TRAM2: variants seen among roughly 807,000 people sequenced by gnomAD.
The protein encoded by TRAM2 is translocating chain-associated membrane protein 2.
TRAM2 carries 12 observed loss-of-function variants against 51.0 expected under a neutral mutation model. The ratio of observed to expected loss-of-function variants is 0.24; its 90% confidence interval spans 0.15 to 0.38. The LOEUF is 0.38. Among genes scored for constraint, TRAM2 ranks in the 10% least tolerant of loss-of-function variants. The pLI, the probability that TRAM2 is intolerant of heterozygous loss-of-function variation, is 1.00. For synonymous variants in TRAM2, 175 were observed against 179.4 expected (o/e 0.98, Z 0.20); for missense variants, 361 against 462.0 (o/e 0.78, Z 2.00).
At chr6:52,538,734 AC>A (rs1297112137) in intron 1 of TRAM2, among the ~76,000 whole-genome samples, 1 of 152,322 alleles carries the variant, frequency 6.6e-6, no homozygotes, top group East Asian at 1.9e-4. Context: ...AAGTCTGAGA[AC>A]TTTTGCATTT....
intron 1 of TRAM2, among the ~76,000 whole-genome samples, chr6:52,575,933 C>G (rs1442656570): frequency 6.6e-6 from 1 of 152,204 alleles, no homozygotes; most frequent in Non-Finnish European, 1.5e-5. Context: ...GGAATCCTTC[C>G]CATCAGTCTT....
At chr6:52,530,947 C>T (rs1218470977) in intron 2 of TRAM2, among the ~76,000 whole-genome samples, 1 of 151,950 alleles carries the variant, frequency 6.6e-6, no homozygotes, top group Non-Finnish European at 1.5e-5. Flanking sequence ...TAGCTTTGTT[C>T]CTTAGAACTT....
chr6:52,566,899 A>AC (rs2114108124), intron 1 of TRAM2, among the ~76,000 whole-genome samples: 1 of 152,248 alleles, frequency 6.6e-6, no homozygotes, highest in East Asian at 1.9e-4. Flanking sequence ...AGACCAGAAG[A>AC]CCCATATGGC....
rs115773425 is a variant in TRAM2 at position 52,509,664 on chromosome 6, C to T, written c.412-78G>A. 1.3e-3 allele frequency: 1,752 copies of T among 1,328,746 alleles called. 23 individuals carry two copies. In the African/African-American group the frequency reaches 0.022, roughly 17 times the overall value. 82.3% of individuals were successfully genotyped at this position (1,328,746 alleles called of 1,614,324 possible). ...GGGGCCCTGGGACCGGTCCAGGGGT[C>T]AGGGATGCATCCAGTCCCCACCTGA... On this transcript the variant is annotated intron_variant, in intron 4 of 10. Transcript: ENST00000182527.
chr6:52,535,776 T>C lies in TRAM2; in HGVS notation c.184+7A>G, dbSNP rs1190239269. The stretch of plus-strand genomic sequence containing the variant: ...GCCAGGAGAAGATGGAGACCAGTGA[T>C]TCTTACCTGCTGTAGGCACGCTAAT... On this transcript the variant is annotated splice_region_variant and intron_variant, in intron 2 of 10. Coordinates refer to ENST00000182527, the MANE Select transcript of TRAM2 (RefSeq NM_012288.4). 38 of 1,612,320 alleles carry C rather than the reference T, an allele frequency of 2.4e-5. No individual in the cohort carries two copies. Among genetic ancestry groups the C allele is most frequent in the Non-Finnish European group, 3.1e-5 (37 of 1,178,542 alleles).
intron 1 of TRAM2, among the ~76,000 whole-genome samples, chr6:52,568,310 C>T (rs1237014834): frequency 2.0e-5 from 3 of 152,258 alleles, no homozygotes; most frequent in African/African-American, 7.2e-5. Flanking sequence ...TTCCTTTCTA[C>T]TTCAACATTC....
At chr6:52,573,977 C>T (rs188367289) in intron 1 of TRAM2, among the ~76,000 whole-genome samples, 3 of 152,242 alleles carry the variant, frequency 2.0e-5, no homozygotes, top group Non-Finnish European at 2.9e-5. Context: ...GCTCAGCTTC[C>T]GAATGAAGGA....
rs894920100 is a variant in TRAM2, at chr6:52,507,564, T to C, written c.615A>G (p.Ala205=). 2 of 1,614,054 alleles carry C rather than the reference T, an allele frequency of 1.2e-6. No homozygotes were observed. Among genetic ancestry groups the C allele is most frequent in the African/African-American group, 1.3e-5 (1 of 74,928 alleles). ...ATGGTCTCACTCACTTTAAGAGGTA[T>C]GCTCCAGCTATATGCACCAGGTACA... ...ICLYLVHIAG[A]YLLNLSRLGL... Residue 205 remains alanine, a synonymous_variant, in exon 7 of 11, where the codon GCA becomes GCG. Transcript: ENST00000182527.
intron 1 of TRAM2, among the ~76,000 whole-genome samples, chr6:52,561,028 G>C (rs987824226): frequency 6.6e-6 from 1 of 152,136 alleles, no homozygotes; most frequent in Non-Finnish European, 1.5e-5. Context: ...AATGCACTTC[G>C]CAGTACAATA....
chr6:52,563,467 C>A (rs1767533551), intron 1 of TRAM2, among the ~76,000 whole-genome samples: 1 of 151,400 alleles, frequency 6.6e-6, no homozygotes, highest in South Asian at 2.1e-4. Context: ...CATCTGTAAC[C>A]CCAGGACTTT....
At chr6:52,571,140 A>T (rs1767674041) in intron 1 of TRAM2, among the ~76,000 whole-genome samples, 1 of 152,174 alleles carries the variant, frequency 6.6e-6, no homozygotes, top group African/African-American at 2.4e-5. Flanking sequence ...TAAAAAGGTT[A>T]AGAGATACTA....
At chr6:52,545,322 G>A (rs914517850) in intron 1 of TRAM2, among the ~76,000 whole-genome samples, 5 of 152,204 alleles carry the variant, frequency 3.3e-5, no homozygotes, top group African/African-American at 1.2e-4. Flanking sequence ...GCAAGGTCCA[G>A]GAGGCCAGGT....
At chr6:52,518,266 G>A (rs939336977) in intron 2 of TRAM2, among the ~76,000 whole-genome samples, 25 of 152,236 alleles carry the variant, frequency 1.6e-4, no homozygotes, top group African/African-American at 5.8e-4. Flanking sequence ...GCCGGTATTG[G>A]GGACATCCTA....
At chr6:52,513,826 T>A (rs1336893101) in intron 4 of TRAM2, among the ~76,000 whole-genome samples, 1 of 152,220 alleles carries the variant, frequency 6.6e-6, no homozygotes, top group Non-Finnish European at 1.5e-5. Flanking sequence ...AAGATCCATC[T>A]GGCTGAGCAG....
At position 52,523,025 on chromosome 6, in the gene TRAM2, T is replaced by G; in HGVS notation, c.185-6288A>C. 1.1e-5 allele frequency: 7 copies of G among 656,436 alleles called. No individual in the cohort carries two copies. In the South Asian group the frequency reaches 1.2e-4, roughly 11 times the overall value. The allele number at this position is 656,436 out of a possible 1,614,324, so 40.7% of individuals were successfully genotyped here. A position where few individuals can be genotyped will look rare whatever the true frequency, so the allele number is the denominator to read the frequency against. On this transcript the variant is annotated intron_variant, in intron 2 of 10. Coordinates refer to ENST00000182527, the MANE Select transcript of TRAM2 (RefSeq NM_012288.4). ...CATCCCATCTGCTTCTGAGAACTCA[T>G]GTGAGCCAGGGCAGGCATCTGCCCT...
chr6:52,560,596 T>G (rs1448261944), intron 1 of TRAM2, among the ~76,000 whole-genome samples: 1 of 152,222 alleles, frequency 6.6e-6, no homozygotes, highest in Non-Finnish European at 1.5e-5. Context: ...AAGTCTGCCG[T>G]TAGAGCAGGA....
chr6:52,535,246 T>C (rs2114086042), intron 2 of TRAM2, among the ~76,000 whole-genome samples: 1 of 152,304 alleles, frequency 6.6e-6, no homozygotes, highest in Admixed American at 6.5e-5. Flanking sequence ...GAGTAGGAGC[T>C]GCACAAAGCA....
intron 1 of TRAM2, among the ~76,000 whole-genome samples, chr6:52,569,602 A>G (rs1767645450): frequency 6.6e-6 from 1 of 151,574 alleles, no homozygotes; most frequent in African/African-American, 2.4e-5. Context: ...AATTTAATAA[A>G]CCACCCTTTC....
At chr6:52,510,174 G>A (rs1185105911) in intron 4 of TRAM2, among the ~76,000 whole-genome samples, 1 of 152,196 alleles carries the variant, frequency 6.6e-6, no homozygotes, top group Non-Finnish European at 1.5e-5. Flanking sequence ...ACCACACTGT[G>A]TCATTACTGT....
Sources: gnomAD v4.1 joint callset for allele counts (sites outside exome capture counted in the v4.1 genomes callset) on GRCh38, gnomAD v4.1.1 for gene constraint, MANE v1.5 for transcripts, NCBI Gene and HGNC (gene_info 2026-07-23, HGNC 2026-07-21) for gene names.